The following CDH12 variants were observed in gnomAD, a reference collection of about 807,000 sequenced individuals.
CDH12 encodes cadherin 12.
Under a neutral mutation model 74.1 loss-of-function variants are expected in CDH12, and 41 were observed. The observed-to-expected ratio is 0.55, with a 90% CI of 0.43 to 0.72. CDH12 has a LOEUF of 0.72. CDH12 is among the 30% of genes least tolerant of loss of function. The pLI, the probability that CDH12 is intolerant of heterozygous loss-of-function variation, is 0.00. For synonymous variants in CDH12, 399 were observed against 355.0 expected (o/e 1.12, Z -1.39); for missense variants, 945 against 977.2 (o/e 0.97, Z 0.44).
At chr5:22,300,608 C>A (rs1737838174) in intron 3 of CDH12, among the ~76,000 whole-genome samples, 1 of 152,304 alleles carries the variant, frequency 6.6e-6, no homozygotes, top group South Asian at 2.1e-4. Flanking sequence ...TAACGTTTTG[C>A]ACCAAAGCTC....
At chr5:22,080,677 A>G (rs1742663554) in intron 4 of CDH12, among the ~76,000 whole-genome samples, 2 of 152,286 alleles carry the variant, frequency 1.3e-5, no homozygotes, top group Admixed American at 6.5e-5. Flanking sequence ...GACAGTACAA[A>G]AAATAGGAAG....
At chr5:22,089,732 C>T (rs2150236333) in intron 4 of CDH12, among the ~76,000 whole-genome samples, 1 of 151,968 alleles carries the variant, frequency 6.6e-6, no homozygotes, top group African/African-American at 2.4e-5. Flanking sequence ...AATTTCGGTA[C>T]ATTTTAGAAC....
intron 1 of CDH12, among the ~76,000 whole-genome samples, chr5:22,708,871 G>T (rs1196996494): frequency 1.3e-5 from 2 of 152,128 alleles, no homozygotes; most frequent in Non-Finnish European, 2.9e-5. Flanking sequence ...GCAAAGTGAA[G>T]CATCCATGAG....
intron 2 of CDH12, among the ~76,000 whole-genome samples, chr5:22,432,563 G>A (rs1024666790): frequency 5.8e-4 from 61 of 105,920 alleles, no homozygotes; most frequent in African/African-American, 1.8e-3. Flanking sequence ...GTGTGTGTGC[G>A]TGTGTGTGTG....
rs112814750 is a variant in CDH12, at chr5:22,353,525, T to C, written c.-333+51732A>G. Among the ~76,000 whole-genome samples, 352 of 152,268 alleles carry C rather than the reference T, an allele frequency of 2.3e-3. 1 individual carries two copies. Among genetic ancestry groups the C allele is most frequent in the African/African-American group, 8.2e-3 (339 of 41,560 alleles). On this transcript the variant is annotated intron_variant, in intron 3 of 14. Transcript: ENST00000382254. ...TATCCAAATAGTGGAATTTATTCCA[T>C]CTCTAAAATTGACATTTTTAATTAA...
chr5:21,938,723 C>CACATAT (rs1554046010), intron 6 of CDH12, among the ~76,000 whole-genome samples: 9 of 112,048 alleles, frequency 8.0e-5, no homozygotes, highest in South Asian at 5.8e-4. Flanking sequence ...ATATAATATA[C>CACATAT]ATATATATAT....
At chr5:22,062,308 A>G (rs1188272834) in intron 5 of CDH12, among the ~76,000 whole-genome samples, 1 of 152,126 alleles carries the variant, frequency 6.6e-6, no homozygotes, top group Non-Finnish European at 1.5e-5. Flanking sequence ...GACATGGACT[A>G]TTTGCCAGGA....
At chr5:22,527,473 C>T (rs1284497538) in intron 1 of CDH12, among the ~76,000 whole-genome samples, 2 of 152,102 alleles carry the variant, frequency 1.3e-5, no homozygotes. Flanking sequence ...ATGACCTAAC[C>T]AGTGCCATAG....
At chr5:22,197,380 G>A (rs1022501023) in intron 4 of CDH12, among the ~76,000 whole-genome samples, 2 of 152,106 alleles carry the variant, frequency 1.3e-5, no homozygotes, top group African/African-American at 4.8e-5. Context: ...CCCGGGAGGC[G>A]AGCTTGCAGT....
At chr5:21,910,689 T>TG (rs1579949087) in intron 6 of CDH12, among the ~76,000 whole-genome samples, 1 of 151,264 alleles carries the variant, frequency 6.6e-6, no homozygotes, top group Non-Finnish European at 1.5e-5. Flanking sequence ...TTTTTTTTTT[T>TG]AATCAAAAGA....
chr5:22,489,499 T>C (rs1234493711), intron 2 of CDH12, among the ~76,000 whole-genome samples: 3 of 152,098 alleles, frequency 2.0e-5, no homozygotes, highest in Admixed American at 2.0e-4. Flanking sequence ...AAATGATCTT[T>C]CTACTGTTGG....
chr5:22,171,185 A>G (rs541742726), intron 4 of CDH12, among the ~76,000 whole-genome samples: 50 of 151,982 alleles, frequency 3.3e-4, no homozygotes, highest in African/African-American at 1.1e-3. Flanking sequence ...TGCAAAAGTC[A>G]TTCAGATTTA....
At chr5:21,844,396 C>T (rs150336595) in intron 7 of CDH12, among the ~76,000 whole-genome samples, 134 of 152,006 alleles carry the variant, frequency 8.8e-4, no homozygotes, top group African/African-American at 2.8e-3. Context: ...TCTGGAACAG[C>T]GGTACTTAAA....
At chr5:22,456,649 T>C (rs1172499513) in intron 2 of CDH12, among the ~76,000 whole-genome samples, 4 of 150,674 alleles carry the variant, frequency 2.7e-5, no homozygotes, top group Non-Finnish European at 5.9e-5. Context: ...AAAAAAAAAA[T>C]CTGTAGGCTT....
At chr5:21,889,955 T>G in intron 6 of CDH12, 24 of 434,926 alleles carry the variant, frequency 5.5e-5, no homozygotes, top group Non-Finnish European at 7.3e-5. Flanking sequence ...ACATCAGCTG[T>G]AGTCTAAGAC....
intron 3 of CDH12, among the ~76,000 whole-genome samples, chr5:22,319,864 A>AAG (rs566464115): frequency 1.4e-3 from 218 of 151,594 alleles, no homozygotes; most frequent in Non-Finnish European, 2.7e-3. Context: ...GGGAGAGAGG[A>AAG]AGAGAGAGAG....
chr5:22,286,960 T>C (rs1009224750), intron 3 of CDH12, among the ~76,000 whole-genome samples: 1 of 152,168 alleles, frequency 6.6e-6, no homozygotes, highest in Non-Finnish European at 1.5e-5. Flanking sequence ...ACATTAAAGA[T>C]AGGAAATATA....
chr5:22,436,697 T>C (rs1744409376), intron 2 of CDH12, among the ~76,000 whole-genome samples: 1 of 152,096 alleles, frequency 6.6e-6, no homozygotes, highest in African/African-American at 2.4e-5. Context: ...AGTCCATGCT[T>C]TTAAGAAAAA....
intron 5 of CDH12, among the ~76,000 whole-genome samples, chr5:21,981,605 G>A (rs576316836): frequency 8.6e-5 from 13 of 152,036 alleles, no homozygotes; most frequent in South Asian, 2.1e-4. Context: ...ATCTCCTTCC[G>A]TTTCTTCTCC....
Sources: allele counts gnomAD v4.1 joint callset (sites outside exome capture counted in the v4.1 genomes callset), GRCh38; gene constraint gnomAD v4.1.1; transcripts MANE v1.5; gene names NCBI Gene and HGNC (gene_info 2026-07-23, HGNC 2026-07-21).